The following KLHL1 variants were observed in gnomAD, a reference collection of about 807,000 sequenced individuals.
The protein encoded by KLHL1 is kelch-like protein 1.
In KLHL1, 47 loss-of-function variants were observed where a neutral mutation model predicts 77.7. The ratio of observed to expected loss-of-function variants is 0.60; its 90% CI spans 0.48 to 0.77. The LOEUF (loss-of-function observed/expected upper bound fraction) is 0.77. Among genes scored for constraint, KLHL1 ranks in the 30% least tolerant of loss-of-function variants. The pLI is 0.00. For synonymous variants in KLHL1, 360 were observed against 325.2 expected (o/e 1.11, Z -1.15); for missense variants, 925 against 910.8 (o/e 1.02, Z -0.20).
chr13:69,764,271 A>G (rs1187148421), intron 7 of KLHL1, among the ~76,000 whole-genome samples: 1 of 152,168 alleles, frequency 6.6e-6, no homozygotes, highest in Non-Finnish European at 1.5e-5. Context: ...TCACCAATCA[A>G]GTTGTTTCCA....
chr13:69,753,027 T>C (rs1874554830), intron 7 of KLHL1, among the ~76,000 whole-genome samples: 1 of 152,156 alleles, frequency 6.6e-6, no homozygotes, highest in Non-Finnish European at 1.5e-5. Context: ...GCCTCTAGGA[T>C]GCCTGGCTGA....
chr13:70,094,622 G>A (rs1305322556), intron 1 of KLHL1, among the ~76,000 whole-genome samples: 15 of 152,086 alleles, frequency 9.9e-5, no homozygotes, highest in Non-Finnish European at 1.5e-5. Flanking sequence ...ATACCTCCAA[G>A]TAAAGCAAGA....
Position 69,703,842 on chromosome 13 carries a change from G to A in KLHL1, c.2188-2081C>T, listed in dbSNP as rs201149745. On this transcript the variant is annotated intron_variant, in intron 10 of 10. Coordinates refer to ENST00000377844, the MANE Select transcript of KLHL1 (RefSeq NM_020866.3). ...ATAGGTTATATCATACAGCCTCAGTGTGTAGTAGGCCATACCATCTGGGTT... is the reference window on the plus strand; with the variant it reads ...ATAGGTTATATCATACAGCCTCAGTATGTAGTAGGCCATACCATCTGGGTT... Among the ~76,000 whole-genome samples, 6 of 151,790 alleles carry A rather than the reference G, an allele frequency of 4.0e-5. No homozygotes were observed. In the East Asian group the frequency reaches 1.2e-3, roughly 29 times the overall value.
intron 1 of KLHL1, among the ~76,000 whole-genome samples, chr13:70,028,813 C>G (rs1886019478): frequency 6.6e-6 from 1 of 151,922 alleles, no homozygotes; most frequent in Non-Finnish European, 1.5e-5. Context: ...TTCATCTCTA[C>G]AGAAAATACA....
chr13:69,950,047 A>T (rs1029413001), intron 3 of KLHL1, among the ~76,000 whole-genome samples: 1 of 151,664 alleles, frequency 6.6e-6, no homozygotes, highest in Non-Finnish European at 1.5e-5. Flanking sequence ...TTAATCTGTA[A>T]ACCATGTCAT....
intron 1 of KLHL1, among the ~76,000 whole-genome samples, chr13:69,986,936 G>A (rs1322487324): frequency 1.3e-5 from 2 of 151,784 alleles, no homozygotes; most frequent in Admixed American, 1.3e-4. Context: ...TAGACAAGAA[G>A]TCTTTGTATT....
chr13:69,820,753 G>A (rs752599062), intron 6 of KLHL1, among the ~76,000 whole-genome samples: 29 of 152,284 alleles, frequency 1.9e-4, no homozygotes, highest in Non-Finnish European at 2.8e-4. Context: ...AGAAAAGCAG[G>A]TAGAACAGGA....
intron 4 of KLHL1, among the ~76,000 whole-genome samples, chr13:69,893,791 A>G (rs1881525984): frequency 6.6e-6 from 1 of 152,194 alleles, no homozygotes; most frequent in African/African-American, 2.4e-5. Flanking sequence ...ATGGCTGTTT[A>G]TTATTTCTTC....
intron 5 of KLHL1, among the ~76,000 whole-genome samples, chr13:69,871,675 C>T (rs1380421095): frequency 6.6e-6 from 1 of 151,600 alleles, no homozygotes; most frequent in East Asian, 1.9e-4. Flanking sequence ...CATCATTGAT[C>T]TTAAGTTCAG....
chr13:69,720,356 G>T (rs1431757486), intron 8 of KLHL1, among the ~76,000 whole-genome samples: 2 of 152,090 alleles, frequency 1.3e-5, no homozygotes, highest in African/African-American at 4.8e-5. Context: ...GTAAGGCACA[G>T]CATTGCATTT....
At chr13:69,913,031 A>C (rs948180230) in intron 4 of KLHL1, among the ~76,000 whole-genome samples, 1 of 152,072 alleles carries the variant, frequency 6.6e-6, no homozygotes, top group African/African-American at 2.4e-5. Context: ...TTCTGACATC[A>C]CCATCTAGTC....
intron 1 of KLHL1, among the ~76,000 whole-genome samples, chr13:70,096,862 G>T (rs1887804877): frequency 6.6e-6 from 1 of 151,904 alleles, no homozygotes; most frequent in African/African-American, 2.4e-5. Context: ...GCAAAAGATA[G>T]TAGCAAGAAA....
intron 1 of KLHL1, among the ~76,000 whole-genome samples, chr13:70,089,632 T>G (rs1390871427): frequency 6.6e-6 from 1 of 152,110 alleles, no homozygotes; most frequent in Non-Finnish European, 1.5e-5. Flanking sequence ...AAGTGTATAA[T>G]TCTATCAATT....
intron 1 of KLHL1, among the ~76,000 whole-genome samples, chr13:70,036,717 T>C (rs992801895): frequency 6.6e-6 from 1 of 151,858 alleles, no homozygotes; most frequent in Admixed American, 6.6e-5. Flanking sequence ...AATTTCCTTG[T>C]TTAAATTTGT....
At chr13:69,835,022 T>C (rs1878931240) in intron 6 of KLHL1, among the ~76,000 whole-genome samples, 1 of 152,152 alleles carries the variant, frequency 6.6e-6, no homozygotes, top group Non-Finnish European at 1.5e-5. Flanking sequence ...AAATAGTATA[T>C]TAAATTTGTG....
rs994373791 is a variant in KLHL1 at position 69,902,333 on chromosome 13, A to G, written c.1015-19838T>C. On this transcript the variant is annotated intron_variant, in intron 4 of 10. Transcript: ENST00000377844. Reference sequence around the variant, plus strand: ...TGAGGTAGAGAAGGCAACGACAGGAACATTTTAAGTAGAGGTTAATTAACA... The same window carrying G: ...TGAGGTAGAGAAGGCAACGACAGGAGCATTTTAAGTAGAGGTTAATTAACA... Among the ~76,000 whole-genome samples the G allele has an allele frequency of 2.6e-5, 4 of 152,176 alleles. No homozygotes were observed. The South Asian group carries it at 6.2e-4, about 24-fold the overall frequency.
intron 1 of KLHL1, among the ~76,000 whole-genome samples, chr13:70,029,893 G>A (rs1886050688): frequency 6.6e-6 from 1 of 152,092 alleles, no homozygotes; most frequent in East Asian, 1.9e-4. Flanking sequence ...CAAAATAAAA[G>A]GATGGAGGAA....
At chr13:70,023,154 G>T (rs371737670) in intron 1 of KLHL1, among the ~76,000 whole-genome samples, 1 of 151,792 alleles carries the variant, frequency 6.6e-6, no homozygotes, top group Admixed American at 6.6e-5. Flanking sequence ...TTATCACCAG[G>T]TTTTCATTTA....
chr13:69,735,096 G>T (rs1002219940), intron 8 of KLHL1, among the ~76,000 whole-genome samples: 3 of 151,964 alleles, frequency 2.0e-5, no homozygotes, highest in Non-Finnish European at 4.4e-5. Context: ...TTTATAGTTA[G>T]AGTATTTATG....
Sources: gnomAD v4.1 joint callset for allele counts (sites outside exome capture counted in the v4.1 genomes callset) on GRCh38, gnomAD v4.1.1 for gene constraint, MANE v1.5 for transcripts, NCBI Gene and HGNC (gene_info 2026-07-23, HGNC 2026-07-21) for gene names.